CDS1: variants seen among roughly 807,000 people sequenced by gnomAD.
The protein encoded by CDS1 is phosphatidate cytidylyltransferase 1.
CDS1 carries 41 observed loss-of-function variants against 62.1 expected under a neutral mutation model. That is an observed-to-expected ratio of 0.66 (90% CI 0.51 to 0.86). CDS1 has a LOEUF of 0.86. CDS1 is among the 40% of genes least tolerant of loss of function. CDS1 has a pLI of 0.00. For missense variants in CDS1, 470 were observed against 550.1 expected (o/e 0.85, Z 1.46); for synonymous variants, 185 against 192.6 (o/e 0.96, Z 0.32).
intron 3 of CDS1, 113 bp downstream of exon 3, chr4:84,609,638 A>G (rs1578029740): frequency 1.5e-6 from 1 of 673,496 alleles, no homozygotes; most frequent in Non-Finnish European, 2.6e-6. Context: ...ACTCAGTCAC[A>G]GAATATTTAG....
chr4:84,627,155 A>T (rs1723887623), intron 5 of CDS1, among the ~76,000 whole-genome samples: 1 of 152,230 alleles, frequency 6.6e-6, no homozygotes, highest in African/African-American at 2.4e-5. Flanking sequence ...CAGAAAATGT[A>T]TGTCTTACCA....
At chr4:84,638,278 A>G (rs1447885435) in intron 8 of CDS1, among the ~76,000 whole-genome samples, 1 of 152,146 alleles carries the variant, frequency 6.6e-6, no homozygotes, top group South Asian at 2.1e-4. Context: ...CACAAACAAT[A>G]TCTCTTCTTT....
At position 84,645,215 on chromosome 4, in the gene CDS1, T is replaced by C. The variant is rs748617548; in HGVS notation, c.1153-7T>C. 8.8e-6 allele frequency: 14 copies of C among 1,587,410 alleles called. No homozygotes were observed. The highest frequency in any genetic ancestry group is 1.1e-5 in the Non-Finnish European group (13 of 1,157,032). On this transcript the variant is annotated splice_polypyrimidine_tract_variant and splice_region_variant and intron_variant, in intron 11 of 12. Transcript: ENST00000295887. ...AAATTTGCTAATATATTTGTTTGTT[T>C]CTAAAGGATTTTGCAAATACCATTC...
chr4:84,589,244 G>T lies in CDS1; in HGVS notation c.117+5726G>T, dbSNP rs543394069. 2.6e-5 allele frequency among the ~76,000 whole-genome samples: 4 copies of T among 152,304 alleles called. No individual in the cohort carries two copies. In the East Asian group the frequency reaches 7.7e-4, roughly 29 times the overall value. ...TTAACATAGCTATAATATCATTTTAGACTGTAGATACTATTCAGAAATTCA... is the reference window on the plus strand; with the variant it reads ...TTAACATAGCTATAATATCATTTTATACTGTAGATACTATTCAGAAATTCA... On this transcript the variant is annotated intron_variant, in intron 1 of 12. Coordinates refer to ENST00000295887, the MANE Select transcript of CDS1 (RefSeq NM_001263.4).
intron 5 of CDS1, among the ~76,000 whole-genome samples, chr4:84,627,101 T>C (rs1723885819): frequency 6.6e-6 from 1 of 152,214 alleles, no homozygotes; most frequent in Admixed American, 6.5e-5. Context: ...ATATTCCAAG[T>C]GCCCTGTGAA....
chr4:84,609,591 T>A, intron 3 of CDS1, 66 bp downstream of exon 3: 2 of 884,012 alleles, frequency 2.3e-6, no homozygotes, highest in Non-Finnish European at 3.7e-6. Flanking sequence ...AGGATTGAAG[T>A]AATTTGAGCA....
chr4:84,614,453 C>CT (rs534170569), intron 3 of CDS1, among the ~76,000 whole-genome samples: 8 of 151,910 alleles, frequency 5.3e-5, no homozygotes, highest in East Asian at 3.9e-4. Context: ...AGGTTATGTT[C>CT]TTTTTTTTAT....
chr4:84,583,430 G>A lies in CDS1; in HGVS notation c.29G>A (p.Cys10Tyr). 1 of 1,597,468 alleles carries A rather than the reference G, an allele frequency of 6.3e-7. No individual in the cohort carries two copies. Among genetic ancestry groups the A allele is most frequent in the Non-Finnish European group, 8.5e-7 (1 of 1,173,012 alleles). The change falls in exon 1 of 13, where the codon TGC becomes TAC. Residue 10 changes from cysteine to tyrosine, a missense_variant. Physicochemically the swap from Cys to Tyr is radical, Grantham distance 194. Transcript: ENST00000295887. ...TTGGAGCTGAGGCACCGGGGAAGCT[G>A]CCCCGGCCCCAGGGAAGCGGTGTCG... Reference protein sequence around the residue: MLELRHRGSCPGPREAVSPP... With the variant: MLELRHRGSYPGPREAVSPP...
intron 1 of CDS1, among the ~76,000 whole-genome samples, chr4:84,603,737 T>C (rs1272488102): frequency 6.6e-6 from 1 of 152,242 alleles, no homozygotes; most frequent in African/African-American, 2.4e-5. Flanking sequence ...AAAATAGAGA[T>C]GAGGTCCATT....
chr4:84,633,412 C>T (rs553316836), intron 6 of CDS1, among the ~76,000 whole-genome samples: 2 of 152,216 alleles, frequency 1.3e-5, no homozygotes, highest in South Asian at 4.2e-4. Context: ...GGAAATAACT[C>T]TTTATGGGAA....
chr4:84,645,118 G>T (rs1724517391), intron 11 of CDS1, 104 bp from the exon 12 acceptor site: 1 of 717,514 alleles, frequency 1.4e-6, no homozygotes, highest in African/African-American at 1.8e-5. Flanking sequence ...CAATAGTAAT[G>T]TATTTTCGTT....
intron 1 of CDS1, among the ~76,000 whole-genome samples, chr4:84,585,705 C>T (rs1157607900): frequency 6.6e-6 from 1 of 152,152 alleles, no homozygotes; most frequent in East Asian, 1.9e-4. Context: ...ACATGACACT[C>T]CCTTTGTTCC....
intron 3 of CDS1, among the ~76,000 whole-genome samples, chr4:84,612,259 A>G (rs938252085): frequency 2.6e-5 from 4 of 152,054 alleles, no homozygotes; most frequent in Non-Finnish European, 5.9e-5. Flanking sequence ...TTTGGGAAGC[A>G]GTAAGGAGAA....
intron 5 of CDS1, among the ~76,000 whole-genome samples, chr4:84,629,138 A>G (rs560484771): frequency 6.6e-6 from 1 of 152,336 alleles, no homozygotes; most frequent in East Asian, 1.9e-4. Flanking sequence ...CAATTGTACA[A>G]AAAGTGACCG....
At position 84,633,889 on chromosome 4, in the gene CDS1, T is replaced by C; in HGVS notation, c.672T>C (p.Thr224=). The C allele has an allele frequency of 6.2e-7, 1 of 1,602,842 alleles. No homozygotes were observed. The highest frequency in any genetic ancestry group is 8.5e-7 in the Non-Finnish European group (1 of 1,173,984). The change falls in exon 7 of 13, where the codon ACT becomes ACC. Residue 224 remains threonine, a synonymous_variant. Transcript: ENST00000295887. The stretch of plus-strand genomic sequence containing the variant: ...GGACTCATGTCACTTTACTGATAAC[T>C]GTCACTCAGTCACACCTTGTCATCC... ...FAWTHVTLLI[T]VTQSHLVIQN...
Position 84,635,278 on chromosome 4 carries a change from T to C in CDS1, c.737T>C (p.Ile246Thr). 6.5e-7 allele frequency: 1 copy of C among 1,534,154 alleles called. No individual in the cohort carries two copies. Among genetic ancestry groups the C allele is most frequent in the Non-Finnish European group, 8.9e-7 (1 of 1,128,828 alleles). ...TTTAAAAACAGGTTCCTTGTTCCAATATCAAGTGTTATCTGCAATGACATA... is the reference window on the plus strand; with the variant it reads ...TTTAAAAACAGGTTCCTTGTTCCAACATCAAGTGTTATCTGCAATGACATA... The part of the protein sequence containing the change: ...FEGMIWFLVP[I>T]SSVICNDITA... The change falls in exon 8 of 13, where the codon ATA becomes ACA. Residue 246 changes from isoleucine (I) to threonine (T), a missense_variant. By Grantham distance (89) the Ile-to-Thr change is moderately conservative. Transcript: ENST00000295887.
At chr4:84,613,570 A>G (rs1202634882) in intron 3 of CDS1, among the ~76,000 whole-genome samples, 1 of 152,214 alleles carries the variant, frequency 6.6e-6, no homozygotes, top group African/African-American at 2.4e-5. Flanking sequence ...AGATCGCGCC[A>G]CTGCACTCCA....
intron 5 of CDS1, among the ~76,000 whole-genome samples, chr4:84,621,592 A>G (rs1723687212): frequency 6.6e-6 from 1 of 152,006 alleles, no homozygotes; most frequent in Non-Finnish European, 1.5e-5. Context: ...AAAATTTTAA[A>G]TTTCATTTTA....
intron 5 of CDS1, among the ~76,000 whole-genome samples, chr4:84,628,151 G>A (rs1317554936): frequency 2.0e-5 from 3 of 152,058 alleles, no homozygotes; most frequent in African/African-American, 7.2e-5. Flanking sequence ...GTATAATGAA[G>A]AATATAACCA....
Sources: allele counts gnomAD v4.1 joint callset (sites outside exome capture counted in the v4.1 genomes callset), GRCh38; gene constraint gnomAD v4.1.1; transcripts MANE v1.5; gene names NCBI Gene and HGNC (gene_info 2026-07-23, HGNC 2026-07-21).